Variants in ZNF503 observed in about 807,000 individuals in gnomAD.
The protein encoded by ZNF503 is NocA-like zinc finger 2.
ZNF503 carries 15 observed loss-of-function variants against 34.4 expected under a neutral mutation model. That is an observed-to-expected ratio of 0.44 (90% CI 0.29 to 0.67). The LOEUF (loss-of-function observed/expected upper bound fraction) is 0.67, where lower values mean the gene tolerates loss of function less well. ZNF503 is among the 30% of genes least tolerant of loss of function. The pLI, the probability that ZNF503 is intolerant of heterozygous loss-of-function variation, is 0.13. For synonymous variants in ZNF503, 580 were observed against 456.8 expected (o/e 1.27, Z -3.44); for missense variants, 1,007 against 926.8 (o/e 1.09, Z -1.12).
the ZNF503 span, among the ~76,000 whole-genome samples, chr10:75,331,157 G>A: frequency 6.6e-6 from 1 of 152,210 alleles, no homozygotes; most frequent in Non-Finnish European, 1.5e-5. Context: ...ATTGTGGTCA[G>A]AAAAGACACT....
At chr10:75,322,989 T>A in the ZNF503 span, among the ~76,000 whole-genome samples, 107 of 152,346 alleles carry the variant, frequency 7.0e-4, no homozygotes, top group East Asian at 3.3e-3. Flanking sequence ...GTATGTGAAA[T>A]TCACAGAGTT....
Position 75,400,145 on chromosome 10 carries a change from C to T in ZNF503, c.545G>A (p.Gly182Asp). ...GCCTCCCGGCTCCTTCTTATCCGAG[C>T]CGGGTTTGGAGTACGGCTTGAAACT... ...KSSFKPYSKP[G>D]SDKKEPGGGG... is the part of the protein sequence containing the mutation. Residue 182 changes from glycine to aspartate, a missense_variant, in exon 2 of 2, where the codon GGC becomes GAC. Coordinates refer to ENST00000372524, the MANE Select transcript of ZNF503 (RefSeq NM_032772.6). 6.4e-7 allele frequency: 1 copy of T among 1,555,944 alleles called. No individual in the cohort carries two copies. Among genetic ancestry groups the T allele is most frequent in the Non-Finnish European group, 8.7e-7 (1 of 1,150,198 alleles).
chr10:75,382,547 G>T, the ZNF503 span: 2 of 531,128 alleles, frequency 3.8e-6, no homozygotes, highest in South Asian at 3.3e-5. Flanking sequence ...GATGGTGACT[G>T]GTGTCTCTTT....
At chr10:75,396,741 G>T (rs1424353038), downstream of ZNF503, among the ~76,000 whole-genome samples, 1 of 152,104 alleles carries the variant, frequency 6.6e-6, no homozygotes, top group East Asian at 1.9e-4. This position sits in a 1 kb window ranked among gnomAD's most constrained non-coding sequence, Gnocchi z 4.4. Context: ...GGAATCCTTG[G>T]AAAGGGCGCT....
the ZNF503 span, among the ~76,000 whole-genome samples, chr10:75,320,696 A>G: frequency 2.6e-5 from 4 of 152,144 alleles, no homozygotes; most frequent in Non-Finnish European, 5.9e-5. Flanking sequence ...ACAGCAATAT[A>G]GAAAAATAAT....
At chr10:75,375,883 C>G in the ZNF503 span, among the ~76,000 whole-genome samples, 1 of 152,138 alleles carries the variant, frequency 6.6e-6, no homozygotes, top group Non-Finnish European at 1.5e-5. Context: ...CATAACCTCA[C>G]TATCTGAAAT....
rs764503758 is a variant in ZNF503 at position 75,400,983 on chromosome 10, C to T, written c.315+122G>A. On this transcript the variant is annotated intron_variant, in intron 1 of 1. Coordinates refer to ENST00000372524, the MANE Select transcript of ZNF503 (RefSeq NM_032772.6). ...TGAGGTACGGAAGCAGTAGCCTCTTCCCCCATTCGGGAGCTGAATCACTCC... is the reference window on the plus strand; with the variant it reads ...TGAGGTACGGAAGCAGTAGCCTCTTTCCCCATTCGGGAGCTGAATCACTCC... The T allele has an allele frequency of 2.1e-6, 3 of 1,402,268 alleles. No individual in the cohort carries two copies. In the South Asian group the frequency reaches 3.8e-5, roughly 18 times the overall value. 86.9% of individuals were successfully genotyped at this position (1,402,268 alleles called of 1,614,324 possible).
chr10:75,401,298 G>C lies in ZNF503; in HGVS notation c.122C>G (p.Ser41Cys), dbSNP rs1843808428. The C allele has an allele frequency of 6.4e-7, 1 of 1,562,434 alleles. No individual in the cohort carries two copies. Residue 41 changes from serine to cysteine, a missense_variant, in exon 1 of 2, where the codon TCC becomes TGC. Transcript: ENST00000372524. ...CGGGGACGAGCCTGGGCCGGGGCCG[G>C]AGCTATTTCCAGAGAGCGCGCTGGT... is the stretch of plus-strand genomic sequence containing the variant. The part of the protein sequence containing the change: ...AWTSALSGNS[S>C]GPGPGSSPAG...
downstream of ZNF503, among the ~76,000 whole-genome samples, chr10:75,395,573 G>A (rs571563085): frequency 6.6e-6 from 1 of 152,260 alleles, no homozygotes; most frequent in South Asian, 2.1e-4. The surrounding 1 kb of genome is among the most constrained non-coding windows in gnomAD (Gnocchi z 4.4). Context: ...GGAAAAAGCT[G>A]GAGAGAGTCG....
the ZNF503 span, among the ~76,000 whole-genome samples, chr10:75,307,921 A>G: frequency 6.6e-6 from 1 of 152,140 alleles, no homozygotes; most frequent in Non-Finnish European, 1.5e-5. Flanking sequence ...TCTACAAAAA[A>G]ATAAAAAAAT....
chr10:75,303,698 AC>A, the ZNF503 span, among the ~76,000 whole-genome samples: 1 of 152,138 alleles, frequency 6.6e-6, no homozygotes, highest in Non-Finnish European at 1.5e-5. Flanking sequence ...GTATTTGATC[AC>A]CCACTTGTGT....
chr10:75,282,053 C>T, the ZNF503 span, among the ~76,000 whole-genome samples: 2 of 152,212 alleles, frequency 1.3e-5, no homozygotes, highest in Admixed American at 6.5e-5. Context: ...CAGCCATCCC[C>T]GCTCCTTCCC....
the ZNF503 span, among the ~76,000 whole-genome samples, chr10:75,377,521 G>A: frequency 6.6e-6 from 1 of 152,154 alleles, no homozygotes; most frequent in Non-Finnish European, 1.5e-5. Context: ...ACATGCATGG[G>A]GTGTCTGGAA....
At chr10:75,280,890 G>A in the ZNF503 span, among the ~76,000 whole-genome samples, 1 of 152,126 alleles carries the variant, frequency 6.6e-6, no homozygotes, top group African/African-American at 2.4e-5. Context: ...AAGAAACAGG[G>A]GTAGAATGTT....
chr10:75,399,955 G>GGCC lies in ZNF503; in HGVS notation c.732_734dup (p.Ala245dup), dbSNP rs1843763047. On this transcript the variant is annotated inframe_insertion, in exon 2 of 2. Coordinates refer to ENST00000372524, the MANE Select transcript of ZNF503 (RefSeq NM_032772.6). ...CGTCCTTGCCCTCCGGGGCACCCCC[G>GGCC]GCCGAGGACAGCATACCTCCCGGCG... 6.2e-7 allele frequency: 1 copy of GGCC among 1,606,276 alleles called. No homozygotes were observed. The highest frequency in any genetic ancestry group is 1.7e-5 in the Admixed American group (1 of 59,912).
At chr10:75,396,143 T>C (rs1283517904), downstream of ZNF503, among the ~76,000 whole-genome samples, 3 of 151,930 alleles carry the variant, frequency 2.0e-5, no homozygotes, top group African/African-American at 7.3e-5. The surrounding 1 kb of genome is among the most constrained non-coding windows in gnomAD (Gnocchi z 4.4). Flanking sequence ...CCCTCCCACC[T>C]GCAGGGCGGG....
chr10:75,347,182 T>C, the ZNF503 span, among the ~76,000 whole-genome samples: 8 of 152,244 alleles, frequency 5.3e-5, no homozygotes, highest in Non-Finnish European at 1.0e-4. Flanking sequence ...ATTGCTATCA[T>C]GCCTGTTAAT....
At chr10:75,389,576 A>C in the ZNF503 span, among the ~76,000 whole-genome samples, 1 of 152,160 alleles carries the variant, frequency 6.6e-6, no homozygotes, top group Admixed American at 6.5e-5. Flanking sequence ...CTAAAAATAC[A>C]AAAAATAGCC....
the ZNF503 span, chr10:75,360,786 T>C: frequency 6.6e-6 from 1 of 152,198 alleles, no homozygotes; most frequent in Non-Finnish European, 1.5e-5. Context: ...AGAAATCAAA[T>C]CCATGGAGAA....
Sources: gnomAD v4.1 joint callset for allele counts (sites outside exome capture counted in the v4.1 genomes callset) on GRCh38, gnomAD v4.1.1 for gene constraint, Gnocchi (gnomAD v3.1) non-coding constraint, MANE v1.5 for transcripts, NCBI Gene and HGNC (gene_info 2026-07-23, HGNC 2026-07-21) for gene names.